The following ETF1 variants were observed in gnomAD, a reference collection of about 807,000 sequenced individuals.
ETF1 encodes eukaryotic peptide chain release factor subunit 1.
ETF1 carries 4 observed loss-of-function variants against 55.1 expected under a neutral mutation model. The observed-to-expected ratio is 0.07, with a 90% CI of 0.04 to 0.17. The LOEUF (loss-of-function observed/expected upper bound fraction) is 0.17, where lower values mean the gene tolerates loss of function less well. Among genes scored for constraint, ETF1 ranks in the 10% least tolerant of loss-of-function variants. The probability of loss-of-function intolerance (pLI) is 1.00; values close to 1 mark genes in which losing one functional copy is unlikely to be tolerated. For missense variants in ETF1, 142 were observed against 523.6 expected (o/e 0.27, Z 7.11); for synonymous variants, 157 against 182.3 (o/e 0.86, Z 1.12).
intron 2 of ETF1, among the ~76,000 whole-genome samples, chr5:138,541,878 G>C (rs1263182302): frequency 9.1e-6 from 1 of 109,326 alleles, no homozygotes; most frequent in Non-Finnish European, 1.8e-5. Context: ...AACGAACAAC[G>C]TTAAAAAAAA....
At chr5:138,517,755 A>G (rs1765078546) in intron 3 of ETF1, 55 bp from the exon 4 acceptor site, 1 of 1,363,118 alleles carries the variant, frequency 7.3e-7, no homozygotes, top group Non-Finnish European at 9.6e-7. Flanking sequence ...TTTTTCGTCA[A>G]TTAATAGAAA....
chr5:138,508,288 G>T lies in ETF1; in HGVS notation c.*17C>A, dbSNP rs368573015. ...GCTGGAGGGTGAGGCACGTTTTGCC[G>T]GACCCATGTCGACTACCTAGTAGTC... On this transcript the variant is annotated 3_prime_UTR_variant, in exon 11 of 11. Coordinates refer to ENST00000360541, the MANE Select transcript of ETF1 (RefSeq NM_004730.4). 2.0e-5 allele frequency: 33 copies of T among 1,611,110 alleles called. No individual in the cohort carries two copies. In the African/African-American group the frequency reaches 2.7e-4, roughly 13 times the overall value.
chr5:138,511,868 A>AG, intron 6 of ETF1: 1 of 985,184 alleles, frequency 1.0e-6, no homozygotes, highest in Non-Finnish European at 1.2e-6. Flanking sequence ...TGTGGAGGAA[A>AG]GGGGGGACCA....
In ETF1 at chr5:138,507,199, T is replaced by C. The variant is rs947087199; in HGVS notation, c.*1106A>G. 7.1e-6 allele frequency: 1 copy of C among 140,160 alleles called. No homozygotes were observed. The highest frequency in any genetic ancestry group is 7.1e-5 in the Admixed American group (1 of 14,082). The allele number at this position is 140,160 out of a possible 1,614,324, so 8.7% of individuals were successfully genotyped here. A position where few individuals can be genotyped will look rare whatever the true frequency, so the allele number is the denominator to read the frequency against. ...CTTCCCACCCGCCCCTAATTTCTCATGTGAGAAGTGCTTGTAAGTCCCACA... is the reference window on the plus strand; with the variant it reads ...CTTCCCACCCGCCCCTAATTTCTCACGTGAGAAGTGCTTGTAAGTCCCACA... On this transcript the variant is annotated 3_prime_UTR_variant, in exon 11 of 11. Transcript: ENST00000360541.
rs760919684 is a variant in ETF1 at position 138,506,584 on chromosome 5, TC to T, written c.*1720del. On this transcript the variant is annotated 3_prime_UTR_variant, in exon 11 of 11. Transcript: ENST00000360541. Reference sequence around the variant, plus strand: ...CAGAGCCCAAAGCAAAAAAGCCTGTTCCGGTGAAGTCTCCCACGTTGGTGAA... The same window carrying T: ...CAGAGCCCAAAGCAAAAAAGCCTGTTCGGTGAAGTCTCCCACGTTGGTGAA... 6.5e-6 allele frequency: 1 copy of T among 152,678 alleles called. No individual in the cohort carries two copies. The highest frequency in any genetic ancestry group is 2.4e-5 in the African/African-American group (1 of 41,466). The allele number at this position is 152,678 out of a possible 1,614,324, so 9.5% of individuals were successfully genotyped here.
At chr5:138,514,135 C>G (rs530539504) in intron 4 of ETF1, 1 of 153,910 alleles carries the variant, frequency 6.5e-6, no homozygotes, top group Non-Finnish European at 1.4e-5. Context: ...CTGTATGACT[C>G]CACTTATATG....
chr5:138,530,607 CTT>C (rs915397281), intron 2 of ETF1, among the ~76,000 whole-genome samples: 5 of 151,902 alleles, frequency 3.3e-5, no homozygotes, highest in Non-Finnish European at 7.4e-5. Flanking sequence ...GAGTCTCACT[CTT>C]GTCTCCTAGG....
At position 138,523,490 on chromosome 5, in the gene ETF1, C is replaced by T. The variant is rs114794881; in HGVS notation, c.87-4623G>A. On this transcript the variant is annotated intron_variant, in intron 2 of 10. Transcript: ENST00000360541. ...TGGGGGATGCAGTGAGCCGAGACCA[C>T]GCCACTGCACTCCAGCCTGACAACA... Among the ~76,000 whole-genome samples the T allele has an allele frequency of 3.8e-3, 571 of 151,972 alleles. 4 individuals are homozygous for T. Among genetic ancestry groups the T allele is most frequent in the African/African-American group, 0.013 (535 of 41,460 alleles).
At chr5:138,511,869 G>A (rs1561829438) in intron 6 of ETF1, 1 of 984,854 alleles carries the variant, frequency 1.0e-6, no homozygotes, top group Middle Eastern at 5.2e-4. Flanking sequence ...GTGGAGGAAA[G>A]GGGGGACCAC....
chr5:138,536,436 G>T (rs1765934823), intron 2 of ETF1, among the ~76,000 whole-genome samples: 1 of 152,100 alleles, frequency 6.6e-6, no homozygotes, highest in African/African-American at 2.4e-5. Context: ...CGTATCAGAG[G>T]GAGCTTCATC....
chr5:138,532,131 T>C (rs1192574141), intron 2 of ETF1, among the ~76,000 whole-genome samples: 5 of 152,172 alleles, frequency 3.3e-5, no homozygotes, highest in African/African-American at 1.2e-4. Flanking sequence ...ATTACATGGA[T>C]CACCACCTGA....
At chr5:138,538,559 A>T (rs1766043736) in intron 2 of ETF1, among the ~76,000 whole-genome samples, 1 of 152,184 alleles carries the variant, frequency 6.6e-6, no homozygotes, top group Non-Finnish European at 1.5e-5. Flanking sequence ...GCCAGAATAG[A>T]GGACAAAAAA....
chr5:138,530,748 A>G (rs1765665352), intron 2 of ETF1, among the ~76,000 whole-genome samples: 1 of 152,046 alleles, frequency 6.6e-6, no homozygotes, highest in African/African-American at 2.4e-5. Context: ...TATTTTTAGT[A>G]GAGGCAGGGT....
intron 4 of ETF1, among the ~76,000 whole-genome samples, chr5:138,514,345 G>A (rs917257980): frequency 6.6e-5 from 10 of 152,182 alleles, no homozygotes; most frequent in Non-Finnish European, 1.3e-4. Flanking sequence ...CTTGAGCTCA[G>A]GAGTTTGAGA....
chr5:138,541,878 GT>G (rs1348183915), intron 2 of ETF1, among the ~76,000 whole-genome samples: 18 of 109,326 alleles, frequency 1.6e-4, no homozygotes, highest in African/African-American at 8.0e-4. Context: ...AACGAACAAC[GT>G]TAAAAAAAAA....
At chr5:138,529,511 C>T in intron 2 of ETF1, 1 of 688,856 alleles carries the variant, frequency 1.5e-6, no homozygotes, top group Non-Finnish European at 1.8e-6. Context: ...AGCAATGTGT[C>T]ACATGCAGGT....
intron 2 of ETF1, among the ~76,000 whole-genome samples, chr5:138,523,333 C>T (rs557850023): frequency 6.6e-6 from 1 of 151,922 alleles, no homozygotes; most frequent in East Asian, 1.9e-4. Flanking sequence ...AGCCACTGCA[C>T]TGCAGCCTGG....
intron 2 of ETF1, among the ~76,000 whole-genome samples, chr5:138,522,171 C>A (rs1197165222): frequency 6.6e-6 from 1 of 151,930 alleles, no homozygotes; most frequent in Non-Finnish European, 1.5e-5. Flanking sequence ...CAAAAACCGA[C>A]CTTTGGACTT....
At chr5:138,518,939 A>G (rs991858157) in intron 2 of ETF1, 72 bp from the exon 3 acceptor site, 13 of 1,582,118 alleles carry the variant, frequency 8.2e-6, no homozygotes, top group African/African-American at 1.3e-5. Flanking sequence ...CTCTGGTAAA[A>G]GCAAGCTACA....
Sources: gnomAD v4.1 joint callset for allele counts (sites outside exome capture counted in the v4.1 genomes callset) on GRCh38, gnomAD v4.1.1 for gene constraint, MANE v1.5 for transcripts, NCBI Gene and HGNC (gene_info 2026-07-23, HGNC 2026-07-21) for gene names.